The following PLSCR2 variants were observed in gnomAD, a reference collection of about 807,000 sequenced individuals.
PLSCR2 encodes PL scramblase 2.
Under a neutral mutation model 25.3 loss-of-function variants are expected in PLSCR2, and 18 were observed. The observed-to-expected ratio is 0.71, with a 90% CI of 0.49 to 1.06. The LOEUF is 1.06. Ranked by LOEUF, PLSCR2 falls within the 50% of genes least tolerant of loss-of-function variation. The pLI is 0.00. For missense variants in PLSCR2, 243 were observed against 269.5 expected (o/e 0.90, Z 0.69); for synonymous variants, 88 against 87.3 (o/e 1.01, Z -0.04).
intron 1 of PLSCR2, among the ~76,000 whole-genome samples, chr3:146,478,898 G>A (rs143709558): frequency 0.015 from 2,292 of 152,244 alleles, 56 homozygotes; most frequent in African/African-American, 0.047. Flanking sequence ...CGGATCTCTC[G>A]GCAGAAACTC....
At chr3:146,416,722 A>G (rs1404829297) in intron 2 of PLSCR2, 2 of 152,224 alleles carry the variant, frequency 1.3e-5, no homozygotes, top group African/African-American at 4.8e-5. Context: ...TAGCTTTTCT[A>G]CATTTAATGG....
chr3:146,405,008 T>C (rs1464849060), intron 2 of PLSCR2, among the ~76,000 whole-genome samples: 1 of 152,154 alleles, frequency 6.6e-6, no homozygotes, highest in Non-Finnish European at 1.5e-5. Flanking sequence ...ACTGGTTTTG[T>C]TGTACTTGAG....
intron 2 of PLSCR2, among the ~76,000 whole-genome samples, chr3:146,428,006 A>C (rs1434736151): frequency 2.0e-5 from 3 of 152,188 alleles, no homozygotes; most frequent in South Asian, 4.1e-4. Context: ...ATGAGTGACT[A>C]TCTTTTTCAC....
chr3:146,404,420 C>A (rs1014569991), intron 2 of PLSCR2, among the ~76,000 whole-genome samples: 2 of 152,282 alleles, frequency 1.3e-5, no homozygotes, highest in East Asian at 1.9e-4. Context: ...ATAATGGCAA[C>A]AATCTATGCA....
intron 1 of PLSCR2, among the ~76,000 whole-genome samples, chr3:146,483,453 G>GTATATATATATATATATACATGTGTATA: frequency 3.1e-5 from 1 of 32,680 alleles, no homozygotes; most frequent in Admixed American, 2.8e-4. Context: ...ACACATGTAT[G>GTATATATATATATATATACATGTGTATA]TATATATATA....
At chr3:146,429,221 C>G (rs1446569801), downstream of PLSCR2, among the ~76,000 whole-genome samples, 3 of 152,066 alleles carry the variant, frequency 2.0e-5, no homozygotes, top group Non-Finnish European at 4.4e-5. Context: ...GTGAAGGGGA[C>G]CAGCATGTCA....
rs1176708693 is a variant in PLSCR2, at chr3:146,455,980, T to C, written c.101-521A>G. On this transcript the variant is annotated intron_variant, in intron 3 of 6. Coordinates refer to ENST00000610787, the Ensembl canonical transcript of PLSCR2. ...ACTCTCAAGGCACGTGCATAAAAAG[T>C]GAGAGGCAAAAATGGAAGGAAATTA... 2.6e-5 allele frequency among the ~76,000 whole-genome samples: 4 copies of C among 152,116 alleles called. No individual in the cohort carries two copies. In the South Asian group the frequency reaches 8.3e-4, roughly 32 times the overall value.
intron 1 of PLSCR2, among the ~76,000 whole-genome samples, chr3:146,477,483 T>A (rs1452765954): frequency 1.3e-5 from 2 of 152,214 alleles, no homozygotes; most frequent in African/African-American, 4.8e-5. Context: ...TGCTCACTGC[T>A]AGTGCAGCAG....
chr3:146,468,729 A>G (rs1260489412), intron 1 of PLSCR2, among the ~76,000 whole-genome samples: 6 of 152,350 alleles, frequency 3.9e-5, no homozygotes, highest in Non-Finnish European at 7.3e-5. Flanking sequence ...TGTTTACTTA[A>G]TGCTGTACAG....
At chr3:146,429,707 G>A (rs1290272967), downstream of PLSCR2, among the ~76,000 whole-genome samples, 1 of 151,900 alleles carries the variant, frequency 6.6e-6, no homozygotes, top group African/African-American at 2.4e-5. Flanking sequence ...CTCACTGCCA[G>A]CTCCACCTCC....
At chr3:146,439,257 A>G (rs574089608), downstream of PLSCR2, among the ~76,000 whole-genome samples, 3 of 152,026 alleles carry the variant, frequency 2.0e-5, no homozygotes, top group East Asian at 5.8e-4. Context: ...TGTGTCTTGG[A>G]GTTGCTCCTC....
At chr3:146,483,455 ATATATATATATATATAT>A (rs1560054832) in intron 1 of PLSCR2, among the ~76,000 whole-genome samples, 1 of 53,120 alleles carries the variant, frequency 1.9e-5, no homozygotes, top group African/African-American at 8.5e-5. Flanking sequence ...ACATGTATGT[ATATATATATATATATAT>A]ACATGTGTAT....
At chr3:146,437,351 G>A (rs1356667867), downstream of PLSCR2, among the ~76,000 whole-genome samples, 1 of 152,176 alleles carries the variant, frequency 6.6e-6, no homozygotes, top group Non-Finnish European at 1.5e-5. Context: ...TAAAGGAATG[G>A]TACCAGCTCC....
downstream of PLSCR2, among the ~76,000 whole-genome samples, chr3:146,431,906 A>T (rs946370656): frequency 6.6e-6 from 1 of 151,642 alleles, no homozygotes; most frequent in African/African-American, 2.4e-5. Context: ...TCCTGTACAC[A>T]TCAAGATCTA....
intron 1 of PLSCR2, among the ~76,000 whole-genome samples, chr3:146,485,364 A>C (rs471896): frequency 0.32 from 49,047 of 151,798 alleles, 7,967 homozygotes; most frequent in South Asian, 0.41. Flanking sequence ...GACTTTAACA[A>C]CCTACTGTAA....
chr3:146,478,243 C>T (rs759134527), intron 1 of PLSCR2, among the ~76,000 whole-genome samples: 9 of 152,116 alleles, frequency 5.9e-5, no homozygotes, highest in East Asian at 3.9e-4. Context: ...ATTACTTTGA[C>T]GAGATGACAG....
chr3:146,455,118 C>T (rs912612073), intron 4 of PLSCR2, 121 bp downstream of exon 4: 2 of 672,192 alleles, frequency 3.0e-6, no homozygotes, highest in South Asian at 3.8e-5. Context: ...ATTTGGAAGC[C>T]CAAACATATA....
chr3:146,494,256 A>G (rs2043666386), intron 1 of PLSCR2, among the ~76,000 whole-genome samples: 1 of 152,168 alleles, frequency 6.6e-6, no homozygotes, highest in Non-Finnish European at 1.5e-5. Context: ...AGAGACTATT[A>G]TTTGAAATTA....
intron 2 of PLSCR2, among the ~76,000 whole-genome samples, chr3:146,411,646 G>A (rs928178365): frequency 6.6e-5 from 10 of 152,214 alleles, no homozygotes; most frequent in Admixed American, 2.6e-4. Context: ...CACACTTTGA[G>A]ATGAATTGAG....
Sources: allele counts gnomAD v4.1 joint callset (sites outside exome capture counted in the v4.1 genomes callset), GRCh38; gene constraint gnomAD v4.1.1; transcripts MANE v1.5; gene names NCBI Gene and HGNC (gene_info 2026-07-23, HGNC 2026-07-21).